Variants in ACACB observed in about 807,000 individuals in gnomAD.
ACACB encodes the protein acetyl-CoA carboxylase 2.
A neutral mutation model predicts 278.8 loss-of-function variants in ACACB; 209 were observed. The observed-to-expected ratio is 0.75, with a 90% confidence interval of 0.67 to 0.84. The LOEUF (loss-of-function observed/expected upper bound fraction) is 0.84, where lower values mean the gene tolerates loss of function less well. Among genes scored for constraint, ACACB ranks in the 40% least tolerant of loss-of-function variants. The pLI, the probability that ACACB is intolerant of heterozygous loss-of-function variation, is 0.00. For synonymous variants in ACACB, 1,174 were observed against 1,285.6 expected, an observed-to-expected ratio of 0.91 and a Z score of 1.86; for missense variants, 2,850 against 3,269.0, an observed-to-expected ratio of 0.87 and a Z score of 3.13.
intron 49 of ACACB, 148 bp downstream of exon 49, chr12:109,262,617 T>A: frequency 1.7e-6 from 1 of 591,272 alleles, no homozygotes; most frequent in Non-Finnish European, 3.0e-6. Context: ...ATATTCACAT[T>A]TGTCTGTTTG....
chr12:109,260,285 C>G, intron 47 of ACACB, 195 bp from the exon 48 acceptor site: 1 of 1,127,706 alleles, frequency 8.9e-7, no homozygotes, highest in South Asian at 1.4e-5. Context: ...GCCACTGAGG[C>G]CCACACTGGG....
intron 9 of ACACB, among the ~76,000 whole-genome samples, chr12:109,176,958 C>G (rs922506080): frequency 1.3e-5 from 2 of 152,234 alleles, no homozygotes. Context: ...CATTTACTTA[C>G]TGGTAGCTAG....
intron 20 of ACACB, among the ~76,000 whole-genome samples, chr12:109,207,224 G>C (rs1034492104): frequency 6.6e-6 from 1 of 152,204 alleles, no homozygotes; most frequent in Non-Finnish European, 1.5e-5. Flanking sequence ...CCAAAGTGCT[G>C]GGATTACAGG....
rs112747989 is a variant in ACACB at position 109,171,223 on chromosome 12, C to T, written c.926-582C>T. ...AATAGGACTTTTTTTAAAAACCCAC[C>T]TCTAATCCCAGTCTGTTGACAGATT... is the stretch of plus-strand genomic sequence containing the variant. On this transcript the variant is annotated intron_variant, in intron 4 of 52. Transcript: ENST00000338432. Among the ~76,000 whole-genome samples, 475 of 152,176 alleles carry T rather than the reference C, an allele frequency of 3.1e-3. 6 individuals are homozygous for T. Among genetic ancestry groups the T allele is most frequent in the African/African-American group, 0.011 (453 of 41,540 alleles).
intron 1 of ACACB, among the ~76,000 whole-genome samples, chr12:109,119,001 A>G (rs1481426126): frequency 6.6e-6 from 1 of 152,174 alleles, no homozygotes; most frequent in African/African-American, 2.4e-5. Context: ...GGCTGGGCAC[A>G]GCAGAGAAAC....
chr12:109,133,039 A>G (rs2042870350), intron 1 of ACACB, among the ~76,000 whole-genome samples: 1 of 152,062 alleles, frequency 6.6e-6, no homozygotes, highest in South Asian at 2.1e-4. Context: ...CCACCTACTC[A>G]TCCTTCTATC....
intron 2 of ACACB, among the ~76,000 whole-genome samples, chr12:109,165,832 C>T (rs2043878285): frequency 6.6e-6 from 1 of 152,156 alleles, no homozygotes; most frequent in Admixed American, 6.6e-5. Context: ...GATGCTGTCT[C>T]ACATGGATGA....
chr12:109,222,657 T>C, intron 25 of ACACB, 37 bp downstream of exon 25: 1 of 1,575,210 alleles, frequency 6.3e-7, no homozygotes, highest in Non-Finnish European at 8.7e-7. Context: ...GATGTGCGTT[T>C]CCCCCCACCC....
At chr12:109,144,223 G>GA (rs2043185227) in intron 2 of ACACB, among the ~76,000 whole-genome samples, 1 of 152,116 alleles carries the variant, frequency 6.6e-6, no homozygotes, top group African/African-American at 2.4e-5. Flanking sequence ...TGAAGTGGGA[G>GA]AATCGCCTGA....
chr12:109,203,294 C>T (rs2045391151), intron 19 of ACACB, among the ~76,000 whole-genome samples: 1 of 152,240 alleles, frequency 6.6e-6, no homozygotes, highest in Non-Finnish European at 1.5e-5. Context: ...TACCTGTTGG[C>T]TACTGTGAAT....
At chr12:109,210,600 T>C (rs1279913028) in intron 21 of ACACB, among the ~76,000 whole-genome samples, 1 of 149,342 alleles carries the variant, frequency 6.7e-6, no homozygotes, top group Non-Finnish European at 1.5e-5. Context: ...CATATATATG[T>C]ATATATATAA....
At chr12:109,244,561 C>T (rs959055673) in intron 37 of ACACB, among the ~76,000 whole-genome samples, 5 of 152,268 alleles carry the variant, frequency 3.3e-5, no homozygotes, top group East Asian at 3.9e-4. Context: ...GCAAATCCAT[C>T]GTCTCTTTTT....
rs756637526 is a variant in ACACB at position 109,199,462 on chromosome 12, C to T, written c.2688C>T (p.Val896=). The T allele has an allele frequency of 3.8e-6, 6 of 1,565,912 alleles. No individual in the cohort carries two copies. In the Admixed American group the frequency reaches 1.1e-4, roughly 29 times the overall value. Residue 896 remains valine, a synonymous_variant, in exon 18 of 53, where the codon GTC becomes GTT. Transcript: ENST00000338432. ...CVFEKENDPT[V]LRSPSAGKLT... Reference sequence around the variant, plus strand: ...TTGAGAAGGAGAACGATCCTACAGTCCTGAGATCCCCCTCGGCTGGGAAGC... The same window carrying T: ...TTGAGAAGGAGAACGATCCTACAGTTCTGAGATCCCCCTCGGCTGGGAAGC...
At position 109,266,445 on chromosome 12, in the gene ACACB, A is replaced by C; in HGVS notation, c.*83A>C. ...ACCCGTACACCCTCAGCAGACCCTG[A>C]AGACTTGCTTTTAAACAAAGAAAAT... On this transcript the variant is annotated 3_prime_UTR_variant, in exon 53 of 53. Coordinates refer to ENST00000338432, the MANE Select transcript of ACACB (RefSeq NM_001093.4). 1 of 1,429,730 alleles carries C rather than the reference A, an allele frequency of 7.0e-7. No individual in the cohort carries two copies. Among genetic ancestry groups the C allele is most frequent in the Non-Finnish European group, 9.2e-7 (1 of 1,090,838 alleles). The allele number at this position is 1,429,730 out of a possible 1,614,324, so 88.6% of individuals were successfully genotyped here. A position where few individuals can be genotyped will look rare whatever the true frequency, so the allele number is the denominator to read the frequency against.
Position 109,252,999 on chromosome 12 carries a change from T to C in ACACB, c.5902-16T>C, listed in dbSNP as rs760642547. On this transcript the variant is annotated splice_polypyrimidine_tract_variant and intron_variant, in intron 42 of 52. Transcript: ENST00000338432. The stretch of plus-strand genomic sequence containing the variant: ...GCACCGTGCAGGACATTGCTAACCA[T>C]GTTGTGTCAAAGCAGGTCCTGGGAA... 10 of 1,593,650 alleles carry C rather than the reference T, an allele frequency of 6.3e-6. No individual in the cohort carries two copies. The highest frequency in any genetic ancestry group is 3.5e-4 in the Middle Eastern group (2 of 5,794).
At position 109,265,463 on chromosome 12, in the gene ACACB, C is replaced by T; in HGVS notation, c.7188C>T (p.Arg2396=). The T allele has an allele frequency of 1.9e-6, 3 of 1,613,388 alleles. No homozygotes were observed. The highest frequency in any genetic ancestry group is 2.5e-6 in the Non-Finnish European group (3 of 1,179,812). Reference sequence around the variant, plus strand: ...ACTGGCAGGCAGGGGATGGCCCGCGCTCCACCATCCGTGAGAACATCACGT... The same window carrying T: ...ACTGGCAGGCAGGGGATGGCCCGCGTTCCACCATCCGTGAGAACATCACGT... ...EQHWQAGDGP[R]STIRENITYL... is the part of the protein sequence containing the mutation. Residue 2396 remains arginine, a synonymous_variant, in exon 52 of 53, where the codon CGC becomes CGT. Coordinates refer to ENST00000338432, the MANE Select transcript of ACACB (RefSeq NM_001093.4).
intron 19 of ACACB, among the ~76,000 whole-genome samples, chr12:109,204,064 G>A (rs1217945694): frequency 6.6e-6 from 1 of 151,966 alleles, no homozygotes; most frequent in Non-Finnish European, 1.5e-5. Flanking sequence ...CATAATAGGT[G>A]TACATGTTTA....
chr12:109,249,496 T>C (rs1194987538), intron 40 of ACACB: 2 of 152,172 alleles, frequency 1.3e-5, no homozygotes, highest in African/African-American at 4.8e-5. Context: ...GTGTGATGAT[T>C]TATTTATTTA....
At chr12:109,213,603 T>C (rs1265611577) in intron 22 of ACACB, among the ~76,000 whole-genome samples, 1 of 151,922 alleles carries the variant, frequency 6.6e-6, no homozygotes, top group Non-Finnish European at 1.5e-5. Flanking sequence ...AGGATTTTCT[T>C]TGTTTTTTTG....
Sources: gnomAD v4.1 joint callset for allele counts (sites outside exome capture counted in the v4.1 genomes callset) on GRCh38, gnomAD v4.1.1 for gene constraint, MANE v1.5 for transcripts, NCBI Gene and HGNC (gene_info 2026-07-23, HGNC 2026-07-21) for gene names.